Variants in CPA5 observed in about 807,000 individuals in gnomAD.
The protein encoded by CPA5 is testicular tissue protein Li 32.
CPA5 carries 38 observed loss-of-function variants against 52.2 expected under a neutral mutation model. The ratio of observed to expected loss-of-function variants is 0.73; its 90% CI spans 0.56 to 0.95. The LOEUF (loss-of-function observed/expected upper bound fraction) is 0.95, where lower values mean the gene tolerates loss of function less well. Ranked by LOEUF, CPA5 falls within the 40% of genes least tolerant of loss-of-function variation. CPA5 has a pLI of 0.00. For synonymous variants in CPA5, 198 were observed against 213.7 expected (o/e 0.93, Z 0.64); for missense variants, 519 against 566.7 (o/e 0.92, Z 0.86).
At chr7:130,361,844 G>C (rs1228060608) in intron 7 of CPA5, among the ~76,000 whole-genome samples, 2 of 152,186 alleles carry the variant, frequency 1.3e-5, no homozygotes, top group Non-Finnish European at 2.9e-5. Flanking sequence ...GGGGCGTTTA[G>C]CATCAGCTGT....
At chr7:130,350,922 T>C (rs4560737) in intron 5 of CPA5, among the ~76,000 whole-genome samples, 102,427 of 152,156 alleles carry the variant, frequency 0.67, 34,624 homozygotes, top group African/African-American at 0.73. Flanking sequence ...CTGCAGCTGC[T>C]TGCTGCTGGC....
chr7:130,363,593 G>C, intron 10 of CPA5, 84 bp downstream of exon 10: 1 of 1,169,536 alleles, frequency 8.6e-7, no homozygotes, highest in Non-Finnish European at 1.2e-6. Context: ...AGATTATGTT[G>C]ACTCAACTTG....
intron 10 of CPA5, among the ~76,000 whole-genome samples, chr7:130,366,598 C>G (rs1306266224): frequency 6.6e-6 from 1 of 152,194 alleles, no homozygotes; most frequent in East Asian, 1.9e-4. Flanking sequence ...TCAAAGACTT[C>G]TTTGCACCTC....
intron 10 of CPA5, among the ~76,000 whole-genome samples, chr7:130,366,770 G>T (rs531253419): frequency 6.6e-6 from 1 of 152,172 alleles, no homozygotes; most frequent in Admixed American, 6.5e-5. Context: ...ACCCAGGAAC[G>T]GTCAGCCTAA....
rs7808823 is a variant in CPA5 at position 130,350,037 on chromosome 7, T to C, written c.261T>C (p.Ser87=). ...SLPVDMRVPF[S]ELKDIKAYLE... is the part of the protein sequence containing the mutation. ...CTGTGGATATGAGAGTTCCTTTCTCTGAACTGAAAGACATCAAAGCTTATC... is the reference window on the plus strand; with the variant it reads ...CTGTGGATATGAGAGTTCCTTTCTCCGAACTGAAAGACATCAAAGCTTATC... Residue 87 remains serine, a synonymous_variant, in exon 5 of 13, where the codon TCT becomes TCC. Transcript: ENST00000474905. 0.52 allele frequency: 837,041 copies of C among 1,613,292 alleles called. 219,171 individuals are homozygous for C. The highest frequency in any genetic ancestry group is 0.66 in the Admixed American group (39,430 of 59,974).
At chr7:130,366,692 C>T (rs1443063019) in intron 10 of CPA5, among the ~76,000 whole-genome samples, 7 of 152,198 alleles carry the variant, frequency 4.6e-5, no homozygotes, top group South Asian at 2.1e-4. Context: ...AAGTTCATGG[C>T]GCACCTGGGG....
chr7:130,346,107 A>G (rs1415759819), intron 2 of CPA5, among the ~76,000 whole-genome samples: 1 of 152,228 alleles, frequency 6.6e-6, no homozygotes, highest in African/African-American at 2.4e-5. Flanking sequence ...AAGAAGAGCG[A>G]AAGAGAAGAT....
At chr7:130,368,864 A>G, downstream of CPA5, 2 of 465,872 alleles carry the variant, frequency 4.3e-6, no homozygotes, top group South Asian at 3.3e-5. Flanking sequence ...CCTTCAGGAA[A>G]ATAAGGGGGT....
At chr7:130,368,346 T>C (rs1371262658) in intron 12 of CPA5, 64 bp from the exon 13 acceptor site, 2 of 1,540,032 alleles carry the variant, frequency 1.3e-6, no homozygotes, top group East Asian at 2.2e-5. Flanking sequence ...AGGATGCCTC[T>C]GTACCTTGCA....
chr7:130,356,096 G>T (rs190412898), intron 5 of CPA5, among the ~76,000 whole-genome samples: 1 of 152,304 alleles, frequency 6.6e-6, no homozygotes, highest in East Asian at 1.9e-4. Context: ...GAACGTGGGA[G>T]GAGAGGCAGC....
At chr7:130,364,845 A>T (rs1554407750) in intron 10 of CPA5, among the ~76,000 whole-genome samples, 3 of 152,206 alleles carry the variant, frequency 2.0e-5, no homozygotes. Flanking sequence ...GCCTCCAGAA[A>T]GCTCAGAGAC....
chr7:130,374,016 C>T, the CPA5 span, among the ~76,000 whole-genome samples: 1 of 151,930 alleles, frequency 6.6e-6, no homozygotes, highest in Non-Finnish European at 1.5e-5. Flanking sequence ...TTATTTATTG[C>T]TGTCACTTTG....
chr7:130,355,556 G>A lies in CPA5; in HGVS notation c.334-4033G>A, dbSNP rs782215321. On this transcript the variant is annotated intron_variant, in intron 5 of 12. Coordinates refer to ENST00000474905, the MANE Select transcript of CPA5 (RefSeq NM_080385.5). ...CAAGTAGCTGGGCTTACAGGCGCGC[G>A]CCACCACGCCTGGCTGATTTTTGTA... 7.2e-5 allele frequency among the ~76,000 whole-genome samples: 11 copies of A among 152,162 alleles called. No homozygotes were observed. The South Asian group carries it at 2.1e-3, about 29-fold the overall frequency.
intron 7 of CPA5, 42 bp from the exon 8 acceptor site, chr7:130,362,396 C>A: frequency 1.4e-6 from 2 of 1,451,336 alleles, no homozygotes; most frequent in South Asian, 2.3e-5. Context: ...CAGTAGCTGT[C>A]TGAGTTCAAA....
chr7:130,346,507 G>T lies in CPA5; in HGVS notation c.22G>T (p.Gly8Trp). The change falls in exon 3 of 13, where the codon GGG (glycine) becomes TGG (tryptophan). Residue 8 changes from glycine (G) to tryptophan (W), a missense_variant. By Grantham distance (184) the Gly-to-Trp change is radical (BLOSUM62 -2). Coordinates refer to ENST00000474905, the MANE Select transcript of CPA5 (RefSeq NM_080385.5). MQGTPGG[G>W]TRPGPSPVDR... ...AAGCATGCAGGGCACCCCTGGAGGC[G>T]GGACGCGCCCTGGGCCATCCCCCGT... 6.2e-7 allele frequency: 1 copy of T among 1,613,470 alleles called. No homozygotes were observed. Among genetic ancestry groups the T allele is most frequent in the Non-Finnish European group, 8.5e-7 (1 of 1,179,732 alleles).
chr7:130,346,738 C>A, intron 3 of CPA5, 137 bp downstream of exon 3: 1 of 648,694 alleles, frequency 1.5e-6, no homozygotes, highest in South Asian at 2.0e-5. Context: ...GAACCCACTT[C>A]CAGCTCCACA....
chr7:130,369,451 G>A (rs1323622307), downstream of CPA5, among the ~76,000 whole-genome samples: 1 of 152,206 alleles, frequency 6.6e-6, no homozygotes, highest in Admixed American at 6.5e-5. Context: ...GGGAAATGAT[G>A]GGACTGGCAG....
intron 10 of CPA5, among the ~76,000 whole-genome samples, chr7:130,364,117 T>G (rs35802177): frequency 0.081 from 12,390 of 152,252 alleles, 642 homozygotes; most frequent in East Asian, 0.18. Context: ...AGCCTTGACC[T>G]CCTGGGCTCA....
chr7:130,346,538 G>A lies in CPA5; in HGVS notation c.53G>A (p.Arg18Lys). 1 of 1,614,056 alleles carries A rather than the reference G, an allele frequency of 6.2e-7. No homozygotes were observed. The highest frequency in any genetic ancestry group is 8.5e-7 in the Non-Finnish European group (1 of 1,179,970). Residue 18 changes from arginine to lysine, a missense_variant, in exon 3 of 13, where the codon AGG (arginine) becomes AAG (lysine). Arg to Lys is a conservative substitution (Grantham distance 26). Transcript: ENST00000474905. The stretch of plus-strand genomic sequence containing the variant: ...CGCCCTGGGCCATCCCCCGTGGACA[G>A]GCGGACACTCCTGGTCTTCAGCTTT... ...GTRPGPSPVD[R>K]RTLLVFSFIL...
Sources: allele counts gnomAD v4.1 joint callset (sites outside exome capture counted in the v4.1 genomes callset), GRCh38; gene constraint gnomAD v4.1.1; transcripts MANE v1.5; gene names NCBI Gene and HGNC (gene_info 2026-07-23, HGNC 2026-07-21).